Variants in RAP1GAP observed in about 807,000 individuals in gnomAD.
RAP1GAP encodes rap1 GTPase-activating protein 1.
A neutral mutation model predicts 87.2 loss-of-function variants in RAP1GAP; 35 were observed. That is an observed-to-expected ratio of 0.40 (90% confidence interval 0.31 to 0.53). The LOEUF is 0.53. Among genes scored for constraint, RAP1GAP ranks in the 20% least tolerant of loss-of-function variants. The pLI is 0.48. For missense variants in RAP1GAP, 734 were observed against 898.9 expected (o/e 0.82, Z 2.35); for synonymous variants, 375 against 363.9 (o/e 1.03, Z -0.35).
Position 21,611,478 on chromosome 1 carries a change from G to A in RAP1GAP, c.817C>T (p.Pro273Ser). 1 of 1,614,144 alleles carries A rather than the reference G, an allele frequency of 6.2e-7. No individual in the cohort carries two copies. The highest frequency in any genetic ancestry group is 8.5e-7 in the Non-Finnish European group (1 of 1,179,998). ...TGCTGGGCGTCCCCTTCCGTGTATGGCAGCTTGGTGGACACGTGAAACATG... is the reference window on the plus strand; with the variant it reads ...TGCTGGGCGTCCCCTTCCGTGTATGACAGCTTGGTGGACACGTGAAACATG... ...EIMFHVSTKL[P>S]YTEGDAQQLQ... Residue 273 changes from proline (P) to serine (S), a missense_variant, in exon 13 of 25, where the codon CCA (proline) becomes TCA (serine). By Grantham distance (74) the Pro-to-Ser change is moderately conservative. Around this residue, in one of 2 missense-constraint regions of RAP1GAP, gnomAD observed 485 missense variants for 646.2 expected, o/e 0.75. Transcript: ENST00000374765.
intron 2 of RAP1GAP, among the ~76,000 whole-genome samples, chr1:21,629,422 T>A (rs1457885543): frequency 1.3e-5 from 2 of 152,146 alleles, no homozygotes; most frequent in Non-Finnish European, 2.9e-5. Context: ...CACTCAGGAT[T>A]GCTCATGTGG....
chr1:21,613,025 C>G lies in RAP1GAP; in HGVS notation c.528+151G>C, dbSNP rs369359311. Reference sequence around the variant, plus strand: ...GGCACAGGCCCTTTCGGTGGCTCCTCTTCTGCAAATTGTGGACTTCACAGG... The same window carrying G: ...GGCACAGGCCCTTTCGGTGGCTCCTGTTCTGCAAATTGTGGACTTCACAGG... On this transcript the variant is annotated intron_variant, in intron 10 of 24. Transcript: ENST00000374765. The surrounding 1 kb of genome is among the most constrained non-coding windows in gnomAD (Gnocchi z 4.7). 368 of 873,282 alleles carry G rather than the reference C, an allele frequency of 4.2e-4. No individual in the cohort carries two copies. Among genetic ancestry groups the G allele is most frequent in the Admixed American group, 1.2e-3 (59 of 48,288 alleles). 54.1% of individuals were successfully genotyped at this position (873,282 alleles called of 1,614,324 possible).
Position 21,663,706 on chromosome 1 carries a change from G to T in RAP1GAP, c.-149+5548C>A, listed in dbSNP as rs1401470481. 2.0e-5 allele frequency among the ~76,000 whole-genome samples: 3 copies of T among 152,234 alleles called. No individual in the cohort carries two copies. The East Asian group carries it at 5.8e-4, about 29-fold the overall frequency. ...CCAGAGTTCAGGAGCCAAGCAGAGG[G>T]CTGGACCCATCTGCCCCACCTCCAC... is the stretch of plus-strand genomic sequence containing the variant. On this transcript the variant is annotated intron_variant, in intron 1 of 24. Transcript: ENST00000374765.
intron 1 of RAP1GAP, among the ~76,000 whole-genome samples, chr1:21,653,837 T>C (rs1472587052): frequency 1.3e-5 from 2 of 152,010 alleles, no homozygotes; most frequent in African/African-American, 4.8e-5. Context: ...GACCTATACC[T>C]CGCCAGTCTT....
In RAP1GAP at chr1:21,634,755, C is replaced by G; in HGVS notation, c.-112-8358G>C. 1 of 475,928 alleles carries G rather than the reference C, an allele frequency of 2.1e-6. No homozygotes were observed. The highest frequency in any genetic ancestry group is 1.5e-5 in the South Asian group (1 of 65,230). 29.5% of individuals were successfully genotyped at this position (475,928 alleles called of 1,614,324 possible). A position where few individuals can be genotyped will look rare whatever the true frequency, so the allele number is the denominator to read the frequency against. The stretch of plus-strand genomic sequence containing the variant: ...CACAGCATCTGGGAACCAGGCCACC[C>G]ATTTACCTGCTGTCTATCCAGCATC... On this transcript the variant is annotated intron_variant, in intron 2 of 24. Coordinates refer to ENST00000374765, the MANE Select transcript of RAP1GAP (RefSeq NM_002885.4). This position sits in a 1 kb window ranked among gnomAD's most constrained non-coding sequence, Gnocchi z 4.1.
At chr1:21,663,355 A>G (rs939768463) in intron 1 of RAP1GAP, among the ~76,000 whole-genome samples, 1 of 152,176 alleles carries the variant, frequency 6.6e-6, no homozygotes, top group Non-Finnish European at 1.5e-5. Flanking sequence ...CACAGTGCCT[A>G]CAGCAGTCTG....
Position 21,597,683 on chromosome 1 carries a change from A to G in RAP1GAP, c.*34+3T>C, listed in dbSNP as rs1645874879. 2 of 1,606,612 alleles carry G rather than the reference A, an allele frequency of 1.2e-6. No homozygotes were observed. The highest frequency in any genetic ancestry group is 1.7e-5 in the Admixed American group (1 of 59,868). ...AAACACAAGCTGAGGGGCTGGGTCT[A>G]ACCTGCTCAGTTTCACCTTCAGAGG... On this transcript the variant is annotated splice_donor_region_variant and intron_variant, in intron 24 of 24. Coordinates refer to ENST00000374765, the MANE Select transcript of RAP1GAP (RefSeq NM_002885.4).
Position 21,609,584 on chromosome 1 carries a change from C to T in RAP1GAP, c.1062G>A (p.Val354=), listed in dbSNP as rs1287014805. ...GGGGGGTGCCCCTCACCTTCCTGAA[C>T]ACAGCGGGGTCCGGGAGGGGGGGTC... ...FFGPPLPDPA[V]FRKGPEFQEF... The change falls in exon 15 of 25, where the codon GTG becomes GTA. Residue 354 remains valine (V), a synonymous_variant. Coordinates refer to ENST00000374765, the MANE Select transcript of RAP1GAP (RefSeq NM_002885.4). The surrounding 1 kb of genome is among the most constrained non-coding windows in gnomAD (Gnocchi z 4.4). 2 of 1,564,676 alleles carry T rather than the reference C, an allele frequency of 1.3e-6. No homozygotes were observed. Among genetic ancestry groups the T allele is most frequent in the East Asian group, 2.4e-5 (1 of 42,526 alleles).
chr1:21,608,422 C>A, intron 16 of RAP1GAP, 72 bp from the exon 17 acceptor site: 2 of 1,554,182 alleles, frequency 1.3e-6, no homozygotes, highest in Middle Eastern at 2.1e-4. Context: ...CAAATCCTGG[C>A]CACCTTCTGA....
intron 2 of RAP1GAP, among the ~76,000 whole-genome samples, chr1:21,647,933 C>CA (rs2096226977): frequency 6.6e-6 from 1 of 152,144 alleles, no homozygotes; most frequent in African/African-American, 2.4e-5. Context: ...ATCAGAAACA[C>CA]AGAGCACGGG....
chr1:21,604,010 G>T, intron 18 of RAP1GAP: 1 of 948,568 alleles, frequency 1.1e-6, no homozygotes, highest in Non-Finnish European at 1.6e-6. Flanking sequence ...AGGAGGAGAG[G>T]CAGGGAAAGG....
In RAP1GAP at chr1:21,613,501, C is replaced by T; in HGVS notation, c.474+127G>A. 1.1e-6 allele frequency: 1 copy of T among 925,098 alleles called. No homozygotes were observed. Among genetic ancestry groups the T allele is most frequent in the Admixed American group, 1.8e-5 (1 of 54,980 alleles). 57.3% of individuals were successfully genotyped at this position (925,098 alleles called of 1,614,324 possible). ...ACGATGGGAACAAGTGAGAGACAGC[C>T]TCAGGATAGGGCGGCAGGCCAGGGC... On this transcript the variant is annotated intron_variant, in intron 9 of 24. Coordinates refer to ENST00000374765, the MANE Select transcript of RAP1GAP (RefSeq NM_002885.4). The surrounding 1 kb of genome is among the most constrained non-coding windows in gnomAD (Gnocchi z 4.7).
At chr1:21,617,247 G>A (rs1322380616) in intron 7 of RAP1GAP, 59 bp downstream of exon 7, 23 of 1,526,732 alleles carry the variant, frequency 1.5e-5, no homozygotes, top group Middle Eastern at 3.6e-4. Flanking sequence ...GGCCCACCTC[G>A]AATGGGGCTG....
At chr1:21,648,388 G>A (rs898161094) in intron 2 of RAP1GAP, among the ~76,000 whole-genome samples, 2 of 152,238 alleles carry the variant, frequency 1.3e-5, no homozygotes, top group Non-Finnish European at 2.9e-5. Flanking sequence ...CCCTGGGACA[G>A]AGTAGGCGAG....
intron 2 of RAP1GAP, among the ~76,000 whole-genome samples, chr1:21,629,515 T>G (rs905095353): frequency 6.6e-6 from 1 of 152,168 alleles, no homozygotes; most frequent in Admixed American, 6.5e-5. Flanking sequence ...GGCTCTCCAG[T>G]TCCTGGCTGG....
At chr1:21,620,189 G>T in intron 3 of RAP1GAP, 139 bp from the exon 4 acceptor site, 1 of 855,856 alleles carries the variant, frequency 1.2e-6, no homozygotes, top group Admixed American at 2.2e-5. Context: ...CGGGAGTGAC[G>T]GGAGCATCGT....
At position 21,614,022 on chromosome 1, in the gene RAP1GAP, A is replaced by T. The variant is rs1447724189; in HGVS notation, c.359T>A (p.Val120Asp). The T allele has an allele frequency of 2.5e-6, 4 of 1,612,782 alleles. No homozygotes were observed. The Admixed American group carries it at 6.7e-5, about 27-fold the overall frequency. Reference protein sequence around the residue: ...GHLVFSLKYDVIGDQEHLRLL... With the variant: ...GHLVFSLKYDDIGDQEHLRLL... The stretch of plus-strand genomic sequence containing the variant: ...CCGCAGGTGCTCTTGGTCCCCGATG[A>T]CATCGTACTTGAGTGAGAAGACAAG... The change falls in exon 8 of 25, where the codon GTC becomes GAC. Residue 120 changes from valine (V) to aspartate (D), a missense_variant. Transcript: ENST00000374765.
chr1:21,625,036 G>A (rs2091317647), intron 3 of RAP1GAP, among the ~76,000 whole-genome samples: 1 of 152,314 alleles, frequency 6.6e-6, no homozygotes, highest in South Asian at 2.1e-4. Context: ...TTCCTGCCAA[G>A]CCCCGGATCC....
rs12045276 is a variant in RAP1GAP at position 21,635,088 on chromosome 1, G to C, written c.-112-8691C>G. The stretch of plus-strand genomic sequence containing the variant: ...AGAAAACTGGAGCCTGGATGGAGAT[G>C]GTGACTTCCAAGCTTCCACCCCGAA... On this transcript the variant is annotated intron_variant, in intron 2 of 24. Transcript: ENST00000374765. Among the ~76,000 whole-genome samples the C allele has an allele frequency of 1.9e-4, 29 of 152,200 alleles. 2 individuals carry two copies. Among genetic ancestry groups the C allele is most frequent in the African/African-American group, 7.0e-4 (29 of 41,554 alleles).
Sources: gnomAD v4.1 joint callset for allele counts (sites outside exome capture counted in the v4.1 genomes callset) on GRCh38, gnomAD v4.1.1 for gene constraint, gnomAD v4.1.1 regional missense constraint, Gnocchi (gnomAD v3.1) non-coding constraint, MANE v1.5 for transcripts, NCBI Gene and HGNC (gene_info 2026-07-23, HGNC 2026-07-21) for gene names.